Variants in PEPD observed in about 807,000 individuals in gnomAD.
PEPD encodes xaa-Pro dipeptidase.
In PEPD, 53 loss-of-function variants were observed where a neutral mutation model predicts 60.7. The observed-to-expected ratio is 0.87, with a 90% CI of 0.70 to 1.10. The LOEUF (loss-of-function observed/expected upper bound fraction) is 1.10, where lower values mean the gene tolerates loss of function less well. Ranked by LOEUF, PEPD falls within the 50% of genes least tolerant of loss-of-function variation. The pLI is 0.00. For missense variants in PEPD, 711 were observed against 711.9 expected (o/e 1.00, Z 0.01); for synonymous variants, 267 against 284.1 (o/e 0.94, Z 0.60).
chr19:33,390,781 C>A (rs1026100037), intron 13 of PEPD, among the ~76,000 whole-genome samples: 1 of 152,194 alleles, frequency 6.6e-6, no homozygotes, highest in Non-Finnish European at 1.5e-5. Context: ...CTGCAGGGTC[C>A]CAGGTGTGCG....
chr19:33,397,665 G>C lies in PEPD; in HGVS notation c.967+4056C>G, dbSNP rs148760346. ...TTACACAGGGATCCTCCAGACCCCA[G>C]GCTGGGTCTGGGCAGCAAAGCCCAG... On this transcript the variant is annotated intron_variant, in intron 12 of 14. Transcript: ENST00000244137. Among the ~76,000 whole-genome samples, 1,057 of 152,134 alleles carry C rather than the reference G, an allele frequency of 6.9e-3. 15 individuals are homozygous for C. Among genetic ancestry groups the C allele is most frequent in the African/African-American group, 0.024 (994 of 41,494 alleles).
At chr19:33,521,681 G>T in intron 1 of PEPD, 63 bp downstream of exon 1, 2 of 1,527,926 alleles carry the variant, frequency 1.3e-6, no homozygotes, top group Non-Finnish European at 1.8e-6. Flanking sequence ...CCCGCGGTCC[G>T]GCCGGGACAC....
intron 7 of PEPD, among the ~76,000 whole-genome samples, chr19:33,476,888 C>T (rs188688796): frequency 0.011 from 1,679 of 152,202 alleles, 26 homozygotes; most frequent in South Asian, 0.07. Flanking sequence ...TGGTCTCGAT[C>T]TCCTGACCTC....
chr19:33,485,491 T>TTAAA (rs1457167197), intron 6 of PEPD, among the ~76,000 whole-genome samples: 1 of 110,968 alleles, frequency 9.0e-6, no homozygotes, highest in African/African-American at 3.6e-5. Flanking sequence ...AGACTCTGTC[T>TTAAA]AAAAAAAAAA....
intron 4 of PEPD, among the ~76,000 whole-genome samples, chr19:33,494,863 C>T (rs552087683): frequency 1.1e-3 from 164 of 152,310 alleles, no homozygotes; most frequent in African/African-American, 2.5e-3. Flanking sequence ...CATTCCTCTA[C>T]GGACACTTAA....
At chr19:33,478,937 AT>A (rs771875152) in intron 6 of PEPD, among the ~76,000 whole-genome samples, 26 of 152,334 alleles carry the variant, frequency 1.7e-4, no homozygotes, top group African/African-American at 2.4e-4. Context: ...GTATAAATGT[AT>A]TTTTTGTTTG....
chr19:33,490,000 T>C lies in PEPD; in HGVS notation c.499A>G (p.Ser167Gly), dbSNP rs1970467602. Residue 167 changes from serine to glycine, a missense_variant, in exon 6 of 15, where the codon AGC becomes GGC. Transcript: ENST00000244137. The part of the protein sequence containing the change: ...VCREASFDGI[S>G]KFEVNNTILH... The stretch of plus-strand genomic sequence containing the variant: ...CCCTGGGGGCCCAGGACTCACTTGC[T>C]GATGCCGTCAAAGGAGGCCTCCCTG... 2 of 1,602,928 alleles carry C rather than the reference T, an allele frequency of 1.2e-6. No homozygotes were observed. The highest frequency in any genetic ancestry group is 1.3e-5 in the African/African-American group (1 of 74,758).
intron 9 of PEPD, among the ~76,000 whole-genome samples, chr19:33,416,208 A>G (rs1364788356): frequency 1.3e-5 from 2 of 152,160 alleles, no homozygotes; most frequent in East Asian, 3.9e-4. Context: ...TGGTGCTGGG[A>G]TGACCAGGAG....
At chr19:33,418,061 G>C (rs973459334) in intron 9 of PEPD, among the ~76,000 whole-genome samples, 4 of 152,220 alleles carry the variant, frequency 2.6e-5, no homozygotes, top group Admixed American at 6.5e-5. Context: ...CCCTCACGGA[G>C]CTGACCCAGG....
At chr19:33,445,818 C>G (rs572821161) in intron 9 of PEPD, among the ~76,000 whole-genome samples, 50 of 152,312 alleles carry the variant, frequency 3.3e-4, no homozygotes, top group African/African-American at 1.2e-3. Flanking sequence ...ACTCGAGTCC[C>G]ACCAGGCTCA....
At chr19:33,501,690 T>A (rs529608643) in intron 3 of PEPD, among the ~76,000 whole-genome samples, 17 of 151,272 alleles carry the variant, frequency 1.1e-4, no homozygotes, top group East Asian at 7.9e-4. Context: ...TAATAATAAT[T>A]ATTATTATTA....
At chr19:33,493,231 C>A in intron 5 of PEPD, 59 bp downstream of exon 5, 1 of 1,215,282 alleles carries the variant, frequency 8.2e-7, no homozygotes, top group Non-Finnish European at 1.2e-6. Context: ...AGAGGTGGCC[C>A]CCATAAAAAC....
At chr19:33,509,864 G>T (rs538438134) in intron 3 of PEPD, among the ~76,000 whole-genome samples, 1 of 152,322 alleles carries the variant, frequency 6.6e-6, no homozygotes, top group African/African-American at 2.4e-5. Flanking sequence ...ACCTGGAACA[G>T]CAGGCACCAT....
At position 33,388,004 on chromosome 19, in the gene PEPD, G is replaced by A. The variant is rs751317868; in HGVS notation, c.1230C>T (p.Thr410=). The A allele has an allele frequency of 5.1e-6, 8 of 1,577,352 alleles. No individual in the cohort carries two copies. The East Asian group carries it at 9.2e-5, about 18-fold the overall frequency. ...ARHLQPGMVL[T]VEPGIYFIDH... Reference sequence around the variant, plus strand: ...CGATGAAGTAGATGCCCGGCTCCACGGTGAGCACCATGCCTGGCTGCAGGT... The same window carrying A: ...CGATGAAGTAGATGCCCGGCTCCACAGTGAGCACCATGCCTGGCTGCAGGT... Residue 410 remains threonine (T), a synonymous_variant, in exon 14 of 15, where the codon ACC becomes ACT. Transcript: ENST00000244137.
Position 33,400,860 on chromosome 19 carries a change from ACC to A in PEPD, c.967+859_967+860del, listed in dbSNP as rs201074482. Among the ~76,000 whole-genome samples the A allele has an allele frequency of 8.3e-3, 1,259 of 152,084 alleles. 19 individuals carry two copies. The highest frequency in any genetic ancestry group is 0.029 in the African/African-American group (1,211 of 41,494). The stretch of plus-strand genomic sequence containing the variant: ...TTCGATCCTGTGGGTGCTAGACTCC[ACC>A]CCTGCCAGGGCTATGGAGGACCCAG... On this transcript the variant is annotated intron_variant, in intron 12 of 14. Coordinates refer to ENST00000244137, the MANE Select transcript of PEPD (RefSeq NM_000285.4).
chr19:33,394,403 G>A (rs941392416), intron 12 of PEPD, among the ~76,000 whole-genome samples: 9 of 152,244 alleles, frequency 5.9e-5, no homozygotes, highest in African/African-American at 2.2e-4. Context: ...GCCGGCCCGG[G>A]GGTCCCCTTG....
At chr19:33,485,491 T>TAAAAAAAAAAAAAAAAAAAAAAAAAA (rs908651690) in intron 6 of PEPD, among the ~76,000 whole-genome samples, 5 of 110,960 alleles carry the variant, frequency 4.5e-5, no homozygotes, top group African/African-American at 1.5e-4. Context: ...AGACTCTGTC[T>TAAAAAAAAAAAAAAAAAAAAAAAAAA]AAAAAAAAAA....
At chr19:33,484,775 C>T (rs1349762090) in intron 6 of PEPD, among the ~76,000 whole-genome samples, 1 of 152,170 alleles carries the variant, frequency 6.6e-6, no homozygotes, top group Non-Finnish European at 1.5e-5. Flanking sequence ...CACACACACA[C>T]ACTCAGACAC....
chr19:33,404,407 C>T (rs11673219), intron 11 of PEPD, among the ~76,000 whole-genome samples: 23,344 of 152,078 alleles, frequency 0.15, 1,852 homozygotes, highest in Middle Eastern at 0.16. Context: ...AAAGTCCTAC[C>T]GGACTGTGCT....
Sources: allele counts gnomAD v4.1 joint callset (sites outside exome capture counted in the v4.1 genomes callset), GRCh38; gene constraint gnomAD v4.1.1; transcripts MANE v1.5; gene names NCBI Gene and HGNC (gene_info 2026-07-23, HGNC 2026-07-21).